Variants in ZBP1 observed in about 807,000 individuals in gnomAD.
ZBP1 encodes the protein Z-DNA binding protein 1.
Under a neutral mutation model 41.1 loss-of-function variants are expected in ZBP1, and 42 were observed. The ratio of observed to expected loss-of-function variants is 1.02; its 90% CI spans 0.80 to 1.32. The LOEUF is 1.32. Ranked by LOEUF, ZBP1 falls within the 40% of genes most tolerant of loss-of-function variation. The pLI is 0.00. For synonymous variants in ZBP1, 214 were observed against 205.2 expected, an observed-to-expected ratio of 1.04 and a Z score of -0.37; for missense variants, 562 against 549.7, an observed-to-expected ratio of 1.02 and a Z score of -0.22.
In ZBP1 at chr20:57,610,831, C is replaced by G. The variant is rs1276638473; in HGVS notation, c.875-464G>C. 9.9e-6 allele frequency: 2 copies of G among 202,796 alleles called. No homozygotes were observed. The highest frequency in any genetic ancestry group is 2.0e-5 in the Non-Finnish European group (2 of 98,798). The allele number at this position is 202,796 out of a possible 1,614,324, so 12.6% of individuals were successfully genotyped here. On this transcript the variant is annotated intron_variant, in intron 6 of 7. Transcript: ENST00000371173. The surrounding 1 kb of genome is among the most constrained non-coding windows in gnomAD (Gnocchi z 5.5). ...AGTCCCGCCCCCTCCACCCCCGAGA[C>G]CTCTTCTGCTCCCTGGCCCCCAGAA...
intron 7 of ZBP1, among the ~76,000 whole-genome samples, chr20:57,608,990 G>A (rs985850594): frequency 1.3e-5 from 2 of 152,188 alleles, no homozygotes; most frequent in Non-Finnish European, 2.9e-5. Context: ...TCACATGGGA[G>A]GCAAAAATCT....
intron 4 of ZBP1, 41 bp downstream of exon 4, chr20:57,614,846 G>T: frequency 1.9e-6 from 3 of 1,610,058 alleles, no homozygotes; most frequent in Non-Finnish European, 2.5e-6. Flanking sequence ...TAGTGTCATG[G>T]TTTCCCTCTG....
intron 5 of ZBP1, chr20:57,612,894 AT>A: frequency 7.5e-7 from 1 of 1,333,640 alleles, no homozygotes; most frequent in Non-Finnish European, 9.6e-7. Context: ...CCCCATCTTA[AT>A]TTTAAAATTT....
At chr20:57,607,574 C>G (rs2070528441) in intron 7 of ZBP1, among the ~76,000 whole-genome samples, 1 of 152,204 alleles carries the variant, frequency 6.6e-6, no homozygotes, top group Admixed American at 6.5e-5. Context: ...GAAAGAAGTT[C>G]TAGTATGAGT....
chr20:57,609,152 G>C (rs571098264), intron 7 of ZBP1, among the ~76,000 whole-genome samples: 1 of 152,140 alleles, frequency 6.6e-6, no homozygotes, highest in East Asian at 1.9e-4. Context: ...TCACCTCCAG[G>C]CCATTGTCCA....
At chr20:57,608,929 A>G (rs2070570337) in intron 7 of ZBP1, among the ~76,000 whole-genome samples, 1 of 152,208 alleles carries the variant, frequency 6.6e-6, no homozygotes, top group African/African-American at 2.4e-5. Context: ...GTGATTCCTT[A>G]TTCCAGATCC....
chr20:57,615,873 C>A (rs113653030), intron 2 of ZBP1: 22 of 530,356 alleles, frequency 4.1e-5, no homozygotes, highest in African/African-American at 3.8e-4. Flanking sequence ...AATGGCAGCT[C>A]CTTCTGGCTG....
Position 57,620,267 on chromosome 20 carries a change from C to A in ZBP1, c.29G>T (p.Arg10Ile). ...GGAAGGAAGAAGTACTGTACCTTCTCTGCCCGGGTCAGCAGGAGCCTGGGC... is the reference window on the plus strand; with the variant it reads ...GGAAGGAAGAAGTACTGTACCTTCTATGCCCGGGTCAGCAGGAGCCTGGGC... MAQAPADPG[R>I]EGHLEQRILQ... Residue 10 changes from arginine to isoleucine, a missense_variant, in exon 1 of 8, where the codon AGA (arginine) becomes ATA (isoleucine). Coordinates refer to ENST00000371173, the MANE Select transcript of ZBP1 (RefSeq NM_030776.3). 6.3e-7 allele frequency: 1 copy of A among 1,594,154 alleles called. No homozygotes were observed. The highest frequency in any genetic ancestry group is 8.5e-7 in the Non-Finnish European group (1 of 1,169,940).
chr20:57,608,974 C>CTT (rs148727045), intron 7 of ZBP1, among the ~76,000 whole-genome samples: 1 of 152,218 alleles, frequency 6.6e-6, no homozygotes, highest in African/African-American at 2.4e-5. Context: ...CCTTCTAATT[C>CTT]TTTTTTCACA....
chr20:57,613,301 A>C lies in ZBP1; in HGVS notation c.532T>G (p.Ser178Ala). Residue 178 changes from serine (S) to alanine (A), a missense_variant, in exon 5 of 8, where the codon TCA (serine) becomes GCA (alanine). Physicochemically the swap from Ser to Ala is moderately conservative, Grantham distance 99. Transcript: ENST00000371173. This position sits in a 1 kb window ranked among gnomAD's most constrained non-coding sequence, Gnocchi z 4.5. ...EDSGRRAKSA[S>A]IIYQHNPINM... ...ATTGGATTGTGCTGGTAAATAATTG[A>C]GGCTGACTTTGCTCTTCTTCCAGAA... 1 of 1,614,176 alleles carries C rather than the reference A, an allele frequency of 6.2e-7. No homozygotes were observed. Among genetic ancestry groups the C allele is most frequent in the Non-Finnish European group, 8.5e-7 (1 of 1,180,050 alleles).
intron 7 of ZBP1, among the ~76,000 whole-genome samples, chr20:57,608,208 G>A (rs1321881068): frequency 1.3e-5 from 2 of 151,846 alleles, no homozygotes; most frequent in Non-Finnish European, 1.5e-5. Context: ...TGCAAGCTCC[G>A]CCTCCCAGGT....
intron 7 of ZBP1, among the ~76,000 whole-genome samples, chr20:57,607,820 G>C (rs1352423730): frequency 6.6e-6 from 1 of 152,202 alleles, no homozygotes; most frequent in Non-Finnish European, 1.5e-5. Context: ...TAGCAATAAA[G>C]TATTTTAAAA....
Position 57,620,318 on chromosome 20 carries a change from C to A in ZBP1, c.-23G>T. On this transcript the variant is annotated 5_prime_UTR_variant, in exon 1 of 8. Transcript: ENST00000371173. ...CATGCTGACAGCAGCTGCAAGGAGTCGGAGAGACTTGGCAGGTGTGCAGGC... is the reference window on the plus strand; with the variant it reads ...CATGCTGACAGCAGCTGCAAGGAGTAGGAGAGACTTGGCAGGTGTGCAGGC... 6.3e-7 allele frequency: 1 copy of A among 1,590,158 alleles called. No homozygotes were observed. The highest frequency in any genetic ancestry group is 8.6e-7 in the Non-Finnish European group (1 of 1,167,616).
intron 7 of ZBP1, among the ~76,000 whole-genome samples, chr20:57,609,327 C>G (rs2070584315): frequency 6.6e-6 from 1 of 152,200 alleles, no homozygotes; most frequent in African/African-American, 2.4e-5. Context: ...CAAACGGTGG[C>G]TGGGACGGTG....
At chr20:57,616,534 G>A in intron 1 of ZBP1, 66 bp from the exon 2 acceptor site, 1 of 1,580,126 alleles carries the variant, frequency 6.3e-7, no homozygotes, top group Non-Finnish European at 8.7e-7. Context: ...TTGAGCCCAG[G>A]CTGGAGGCTC....
At chr20:57,604,803 G>T (rs368798376) in intron 7 of ZBP1, 34 bp from the exon 8 acceptor site, 1 of 1,596,662 alleles carries the variant, frequency 6.3e-7, no homozygotes, top group East Asian at 2.2e-5. Context: ...CAGCTTCATG[G>T]GCACGTGGCC....
chr20:57,615,799 C>T, intron 2 of ZBP1: 1 of 548,832 alleles, frequency 1.8e-6, no homozygotes, highest in Non-Finnish European at 3.2e-6. Context: ...CCTTTGCCTC[C>T]TGGGGTTGTG....
At chr20:57,618,747 G>A (rs989047606) in intron 1 of ZBP1, among the ~76,000 whole-genome samples, 24 of 152,114 alleles carry the variant, frequency 1.6e-4, no homozygotes, top group African/African-American at 5.8e-4. Context: ...ACACCCGGCT[G>A]ATTTTTGTAT....
chr20:57,613,403 C>A lies in ZBP1; in HGVS notation c.503-73G>T. The stretch of plus-strand genomic sequence containing the variant: ...AGGGGTTCCCAATACCAGTCGGCAG[C>A]ACCAAATTCTCCTGGGGAGCTTGTT... On this transcript the variant is annotated intron_variant, in intron 4 of 7. Transcript: ENST00000371173. This position sits in a 1 kb window ranked among gnomAD's most constrained non-coding sequence, Gnocchi z 4.5. 6.7e-7 allele frequency: 1 copy of A among 1,500,878 alleles called. No homozygotes were observed. The allele number at this position is 1,500,878 out of a possible 1,614,324, so 93.0% of individuals were successfully genotyped here.
Sources: allele counts gnomAD v4.1 joint callset (sites outside exome capture counted in the v4.1 genomes callset), GRCh38; gene constraint gnomAD v4.1.1; non-coding constraint Gnocchi (gnomAD v3.1); transcripts MANE v1.5; gene names NCBI Gene and HGNC (gene_info 2026-07-23, HGNC 2026-07-21).